SPTBN1: variants seen among roughly 807,000 people sequenced by gnomAD.
The protein encoded by SPTBN1 is spectrin beta, non-erythrocytic 1, also known as spectrin beta chain, non-erythrocytic 1.
In SPTBN1, 32 loss-of-function variants were observed where a neutral mutation model predicts 266.4. The observed-to-expected ratio is 0.12, with a 90% confidence interval of 0.09 to 0.16. The LOEUF is 0.16. Ranked by LOEUF, SPTBN1 falls within the 10% of genes least tolerant of loss-of-function variation. SPTBN1 has a pLI of 1.00. For missense variants in SPTBN1, 2,296 were observed against 3,067.1 expected, an observed-to-expected ratio of 0.75 and a Z score of 5.94; for synonymous variants, 1,336 against 1,162.2, an observed-to-expected ratio of 1.15 and a Z score of -3.04.
intron 16 of SPTBN1, among the ~76,000 whole-genome samples, chr2:54,632,262 G>T (rs1385433428): frequency 6.6e-6 from 1 of 151,978 alleles, no homozygotes; most frequent in African/African-American, 2.4e-5. Flanking sequence ...GAGTATGAAG[G>T]GTACATTGCT....
At position 54,629,778 on chromosome 2, in the gene SPTBN1, G is replaced by T; in HGVS notation, c.2644G>T (p.Glu882Ter). The change falls in exon 14 of 36, where the codon GAG becomes TAG. Residue 882 changes from glutamate to a stop codon, truncating the protein, a stop_gained. Coordinates refer to ENST00000356805, the MANE Select transcript of SPTBN1 (RefSeq NM_003128.3). LOFTEE classifies it high-confidence loss of function. ...LNNMQIPEKL[E>*]DLEVIQHRFE... ...CAACATGCAGATCCCAGAGAAGCTG[G>T]AGGATCTGGAGGTCATCCAGCACAG... 1 of 1,609,940 alleles carries T rather than the reference G, an allele frequency of 6.2e-7. No individual in the cohort carries two copies. The highest frequency in any genetic ancestry group is 8.5e-7 in the Non-Finnish European group (1 of 1,179,222).
In SPTBN1 at chr2:54,649,707, C is replaced by G; in HGVS notation, c.5295C>G (p.Leu1765=). Reference sequence around the variant, plus strand: ...CGGTCAATCACCTGGCAGATGAGCTCATCAACTCTGGACATTCAGATGCCG... The same window carrying G: ...CGGTCAATCACCTGGCAGATGAGCTGATCAACTCTGGACATTCAGATGCCG... The part of the protein sequence containing the change: ...VDTVNHLADE[L]INSGHSDAAT... The change falls in exon 26 of 36, where the codon CTC becomes CTG. Residue 1765 remains leucine, a synonymous_variant. Coordinates refer to ENST00000356805, the MANE Select transcript of SPTBN1 (RefSeq NM_003128.3). This position sits in a 1 kb window ranked among gnomAD's most constrained non-coding sequence, Gnocchi z 6.7. 1 of 1,614,170 alleles carries G rather than the reference C, an allele frequency of 6.2e-7. No individual in the cohort carries two copies. The highest frequency in any genetic ancestry group is 8.5e-7 in the Non-Finnish European group (1 of 1,180,034).
At chr2:54,615,788 A>T (rs1383883506) in intron 4 of SPTBN1, among the ~76,000 whole-genome samples, 5 of 152,228 alleles carry the variant, frequency 3.3e-5, no homozygotes, top group Admixed American at 3.3e-4. Context: ...TAGTTTGGAA[A>T]TGGTGCACAC....
rs968286700 is a variant in SPTBN1 at position 54,626,380 on chromosome 2, G to A, written c.1644+146G>A. On this transcript the variant is annotated intron_variant, in intron 12 of 35. Coordinates refer to ENST00000356805, the MANE Select transcript of SPTBN1 (RefSeq NM_003128.3). The surrounding 1 kb of genome is among the most constrained non-coding windows in gnomAD (Gnocchi z 4.7). ...GCTAGAGAGGAGCCACATCACCCAT[G>A]GGAAGATTGCTAGCTCAGGAATTAA... 7.5e-6 allele frequency: 8 copies of A among 1,071,064 alleles called. No homozygotes were observed. In the African/African-American group the frequency reaches 1.3e-4, roughly 17 times the overall value. 66.3% of individuals were successfully genotyped at this position (1,071,064 alleles called of 1,614,324 possible). A position where few individuals can be genotyped will look rare whatever the true frequency, so the allele number is the denominator to read the frequency against.
intron 27 of SPTBN1, 78 bp from the exon 28 acceptor site, chr2:54,654,992 T>C: frequency 1.3e-6 from 2 of 1,487,680 alleles, no homozygotes; most frequent in South Asian, 2.7e-5. Context: ...TTCTTTCAAA[T>C]TAATTGTGTG....
In SPTBN1 at chr2:54,669,984, TA is replaced by T. The variant is rs1681629201; in HGVS notation, c.*1416del. The T allele has an allele frequency of 6.6e-6, 1 of 152,212 alleles. No individual in the cohort carries two copies. The highest frequency in any genetic ancestry group is 1.5e-5 in the Non-Finnish European group (1 of 68,040). 9.4% of individuals were successfully genotyped at this position (152,212 alleles called of 1,614,324 possible). A position where few individuals can be genotyped will look rare whatever the true frequency, so the allele number is the denominator to read the frequency against. ...AAAGGGACAGAGATAGTAAATATTTTAGGCTTTGTAGGCCGTAACTGTCTCT... is the reference window on the plus strand; with the variant it reads ...AAAGGGACAGAGATAGTAAATATTTTGGCTTTGTAGGCCGTAACTGTCTCT... On this transcript the variant is annotated 3_prime_UTR_variant, in exon 36 of 36. Transcript: ENST00000356805.
At chr2:54,662,374 G>A in intron 32 of SPTBN1, 3 of 974,840 alleles carry the variant, frequency 3.1e-6, no homozygotes, top group Non-Finnish European at 3.7e-6. Flanking sequence ...ATACTGGTTT[G>A]GGGTTTTCTC....
At chr2:54,493,033 T>C (rs1668776099) in intron 1 of SPTBN1, among the ~76,000 whole-genome samples, 1 of 138,086 alleles carries the variant, frequency 7.2e-6, no homozygotes, top group African/African-American at 2.9e-5. Flanking sequence ...TGAGACAGGG[T>C]CTCACTCTAT....
intron 4 of SPTBN1, among the ~76,000 whole-genome samples, chr2:54,613,357 C>T (rs72920555): frequency 2.0e-5 from 3 of 152,122 alleles, no homozygotes; most frequent in Non-Finnish European, 4.4e-5. Flanking sequence ...AAAGGAAAAA[C>T]GAAAAATCAA....
At chr2:54,569,977 C>CA (rs1008018235) in intron 2 of SPTBN1, among the ~76,000 whole-genome samples, 2 of 149,132 alleles carry the variant, frequency 1.3e-5, no homozygotes, top group East Asian at 2.1e-4. Context: ...CCATTCCCCC[C>CA]CCCCTTTAGA....
chr2:54,595,516 C>T (rs1027076650), intron 2 of SPTBN1, among the ~76,000 whole-genome samples: 1 of 152,260 alleles, frequency 6.6e-6, no homozygotes, highest in Non-Finnish European at 1.5e-5. Flanking sequence ...GTGTGAGGCA[C>T]AGAAGTGCCC....
intron 1 of SPTBN1, among the ~76,000 whole-genome samples, chr2:54,522,473 A>G (rs2104297268): frequency 6.6e-6 from 1 of 151,998 alleles, no homozygotes; most frequent in South Asian, 2.1e-4. Flanking sequence ...TCTACTAAAA[A>G]TACAAAAATT....
At chr2:54,568,226 C>A (rs1017567097) in intron 2 of SPTBN1, among the ~76,000 whole-genome samples, 1 of 151,336 alleles carries the variant, frequency 6.6e-6, no homozygotes, top group Admixed American at 6.6e-5. Flanking sequence ...ACTAAAAATA[C>A]AAAAATCAGC....
At chr2:54,495,164 A>T (rs1032148451) in intron 1 of SPTBN1, among the ~76,000 whole-genome samples, 9 of 95,064 alleles carry the variant, frequency 9.5e-5, no homozygotes, top group African/African-American at 1.3e-4. Flanking sequence ...GAATCATAGG[A>T]GGTTGCAGGT....
intron 32 of SPTBN1, chr2:54,661,278 C>T (rs569754028): frequency 9.1e-6 from 9 of 985,824 alleles, no homozygotes; most frequent in East Asian, 1.1e-4. Flanking sequence ...TTCCTTGTAC[C>T]GATAAAAACA....
At chr2:54,559,146 T>C (rs1400140600) in intron 2 of SPTBN1, among the ~76,000 whole-genome samples, 1 of 152,208 alleles carries the variant, frequency 6.6e-6, no homozygotes, top group Non-Finnish European at 1.5e-5. Context: ...ACACATTTTC[T>C]TTACTTTTAG....
chr2:54,633,433 GTGTC>G (rs35720306), intron 17 of SPTBN1, among the ~76,000 whole-genome samples: 10 of 151,802 alleles, frequency 6.6e-5, no homozygotes, highest in Non-Finnish European at 1.2e-4. Context: ...GTGCGTGTGT[GTGTC>G]TGTCTGTCTG....
chr2:54,668,224 G>A (rs1235024739), intron 35 of SPTBN1, 127 bp from the exon 36 acceptor site: 3 of 808,070 alleles, frequency 3.7e-6, no homozygotes, highest in Non-Finnish European at 6.1e-6. Context: ...GTGCATTTGG[G>A]GACAGTGCCC....
At chr2:54,502,391 C>A (rs1272638619) in intron 1 of SPTBN1, among the ~76,000 whole-genome samples, 1 of 152,196 alleles carries the variant, frequency 6.6e-6, no homozygotes, top group Non-Finnish European at 1.5e-5. Context: ...GCACGCCCCC[C>A]AACCCAGCCC....
Sources: gnomAD v4.1 joint callset for allele counts (sites outside exome capture counted in the v4.1 genomes callset) on GRCh38, gnomAD v4.1.1 for gene constraint, Gnocchi (gnomAD v3.1) non-coding constraint, MANE v1.5 for transcripts, NCBI Gene and HGNC (gene_info 2026-07-23, HGNC 2026-07-21) for gene names.